Variants in HIVEP3 observed in about 807,000 individuals in gnomAD.
The protein encoded by HIVEP3 is HIVEP zinc finger 3.
A neutral mutation model predicts 152.8 loss-of-function variants in HIVEP3; 49 were observed. The observed-to-expected ratio is 0.32, with a 90% confidence interval of 0.26 to 0.41. The LOEUF (loss-of-function observed/expected upper bound fraction) is 0.41. HIVEP3 is among the 10% of genes least tolerant of loss of function. HIVEP3 has a pLI of 1.00. For synonymous variants in HIVEP3, 1,269 were observed against 1,289.0 expected (o/e 0.98, Z 0.33); for missense variants, 2,790 against 3,103.3 (o/e 0.90, Z 2.40).
intron 1 of HIVEP3, among the ~76,000 whole-genome samples, chr1:41,908,561 G>A (rs907949504): frequency 2.6e-5 from 4 of 152,102 alleles, no homozygotes; most frequent in Non-Finnish European, 4.4e-5. Flanking sequence ...TAATAGACTT[G>A]GCATAGTCTT....
intron 1 of HIVEP3, among the ~76,000 whole-genome samples, chr1:41,807,931 G>A (rs528600116): frequency 2.6e-5 from 4 of 152,146 alleles, no homozygotes; most frequent in Admixed American, 6.5e-5. Flanking sequence ...GGAGGAGGCT[G>A]TGAAGGAGGC....
At chr1:41,644,136 T>C (rs1645422255) in intron 2 of HIVEP3, among the ~76,000 whole-genome samples, 1 of 152,104 alleles carries the variant, frequency 6.6e-6, no homozygotes, top group African/African-American at 2.4e-5. Context: ...TCCACCCACC[T>C]TGGCCTCTCA....
intron 1 of HIVEP3, among the ~76,000 whole-genome samples, chr1:41,948,624 C>T (rs1045149635): frequency 4.6e-5 from 7 of 152,124 alleles, no homozygotes; most frequent in Admixed American, 1.3e-4. Context: ...GAAACCAAGT[C>T]CCAGTACTCA....
At chr1:42,034,139 G>A (rs1645628259) in intron 1 of HIVEP3, among the ~76,000 whole-genome samples, 1 of 152,104 alleles carries the variant, frequency 6.6e-6, no homozygotes, top group African/African-American at 2.4e-5. Context: ...ATTAGCATGG[G>A]TGAAAACTCA....
At chr1:41,885,685 TCCTTCCTCCTTC>T (rs200853003) in intron 1 of HIVEP3, among the ~76,000 whole-genome samples, 8,343 of 147,862 alleles carry the variant, frequency 0.056, 760 homozygotes, top group African/African-American at 0.2. Context: ...AATCCTTCCT[TCCTTCCTCCTTC>T]CCTTCCTCCT....
chr1:41,747,674 T>C (rs1647094130), intron 1 of HIVEP3, among the ~76,000 whole-genome samples: 1 of 152,250 alleles, frequency 6.6e-6, no homozygotes, highest in African/African-American at 2.4e-5. Flanking sequence ...TGATATATTA[T>C]CTGTATCTTT....
At chr1:41,899,321 TA>T (rs1644582469) in intron 1 of HIVEP3, among the ~76,000 whole-genome samples, 1 of 152,206 alleles carries the variant, frequency 6.6e-6, no homozygotes, top group African/African-American at 2.4e-5. Context: ...GATGTCTACC[TA>T]AAAAGAAAAA....
intron 1 of HIVEP3, among the ~76,000 whole-genome samples, chr1:42,010,769 C>A (rs1645488498): frequency 6.6e-6 from 1 of 152,172 alleles, no homozygotes; most frequent in South Asian, 2.1e-4. Flanking sequence ...GCTCTATACA[C>A]ATCTTAGAAA....
chr1:41,751,324 A>ATTTTTTTTTTTT (rs35864189), intron 1 of HIVEP3, among the ~76,000 whole-genome samples: 2 of 104,560 alleles, frequency 1.9e-5, no homozygotes, highest in African/African-American at 7.6e-5. Flanking sequence ...ACTGACACAC[A>ATTTTTTTTTTTT]TTTTTTTTTT....
chr1:42,019,830 C>T (rs1010826582), intron 1 of HIVEP3, among the ~76,000 whole-genome samples: 4 of 151,980 alleles, frequency 2.6e-5, no homozygotes, highest in African/African-American at 7.2e-5. Flanking sequence ...ATTTCACCAT[C>T]AAGAATGATG....
chr1:41,686,381 G>C (rs370485105), intron 2 of HIVEP3, among the ~76,000 whole-genome samples: 23 of 152,290 alleles, frequency 1.5e-4, no homozygotes, highest in African/African-American at 5.5e-4. Flanking sequence ...GCCATAGACT[G>C]TATTTTCAAA....
intron 1 of HIVEP3, among the ~76,000 whole-genome samples, chr1:41,810,155 A>G (rs576734502): frequency 6.6e-6 from 1 of 152,212 alleles, no homozygotes; most frequent in Admixed American, 6.5e-5. Flanking sequence ...AGCTGCCCAC[A>G]AGACCTGGAC....
intron 2 of HIVEP3, among the ~76,000 whole-genome samples, chr1:41,654,031 G>A (rs906356537): frequency 3.6e-5 from 5 of 138,464 alleles, no homozygotes; most frequent in African/African-American, 1.4e-4. Context: ...TTCTGACTCT[G>A]TTCTCCTTGC....
chr1:41,997,239 G>T (rs577928121), intron 1 of HIVEP3, among the ~76,000 whole-genome samples: 33 of 152,328 alleles, frequency 2.2e-4, no homozygotes, highest in African/African-American at 7.9e-4. Context: ...CTAGAGTAGG[G>T]GTCATAGACC....
In HIVEP3 at chr1:41,729,203, C is replaced by A. The variant is rs527510751; in HGVS notation, c.-800-28208G>T. Among the ~76,000 whole-genome samples the A allele has an allele frequency of 2.0e-5, 3 of 152,324 alleles. No individual in the cohort carries two copies. The East Asian group carries it at 5.8e-4, about 29-fold the overall frequency. ...ACGAGATCCTGGGGGAAGCAGAGAGCCCAGTGCACAGGGGTGATCAGTAAC... is the reference window on the plus strand; with the variant it reads ...ACGAGATCCTGGGGGAAGCAGAGAGACCAGTGCACAGGGGTGATCAGTAAC... On this transcript the variant is annotated intron_variant, in intron 1 of 8. Coordinates refer to ENST00000372583, the MANE Select transcript of HIVEP3 (RefSeq NM_024503.5).
At chr1:41,786,022 C>A (rs1183209881) in intron 1 of HIVEP3, among the ~76,000 whole-genome samples, 1 of 152,084 alleles carries the variant, frequency 6.6e-6, no homozygotes, top group African/African-American at 2.4e-5. Flanking sequence ...GGTTACTAAA[C>A]CCCACCTCAT....
chr1:41,891,897 C>A (rs567144569), intron 1 of HIVEP3, among the ~76,000 whole-genome samples: 3 of 152,170 alleles, frequency 2.0e-5, no homozygotes, highest in African/African-American at 7.2e-5. Context: ...GTAAAACTCA[C>A]GAGAGAAAGC....
intron 1 of HIVEP3, among the ~76,000 whole-genome samples, chr1:41,859,772 T>C (rs1055095718): frequency 5.3e-5 from 8 of 152,254 alleles, no homozygotes; most frequent in African/African-American, 1.7e-4. Context: ...CTAATTTGCC[T>C]TTCTTTAATT....
intron 1 of HIVEP3, among the ~76,000 whole-genome samples, chr1:42,019,595 C>A (rs1645542469): frequency 6.6e-6 from 1 of 151,730 alleles, no homozygotes; most frequent in South Asian, 2.1e-4. Context: ...TATCCAGTAC[C>A]CCTGCTTAAA....
Sources: gnomAD v4.1 joint callset for allele counts (sites outside exome capture counted in the v4.1 genomes callset) on GRCh38, gnomAD v4.1.1 for gene constraint, MANE v1.5 for transcripts, NCBI Gene and HGNC (gene_info 2026-07-23, HGNC 2026-07-21) for gene names.